The following LRRC28 variants were observed in gnomAD, a reference collection of about 807,000 sequenced individuals.
The protein encoded by LRRC28 is leucine rich repeat containing 28.
In LRRC28, 39 loss-of-function variants were observed where a neutral mutation model predicts 45.7. The ratio of observed to expected loss-of-function variants is 0.85; its 90% CI spans 0.66 to 1.12. LRRC28 has a LOEUF of 1.12. Ranked by LOEUF, LRRC28 falls within the 50% of genes most tolerant of loss-of-function variation. The probability of loss-of-function intolerance (pLI) is 0.00; values close to 1 mark genes in which losing one functional copy is unlikely to be tolerated. For synonymous variants in LRRC28, 206 were observed against 178.8 expected, an observed-to-expected ratio of 1.15 and a Z score of -1.22; for missense variants, 435 against 438.5, an observed-to-expected ratio of 0.99 and a Z score of 0.07.
At chr15:99,253,300 T>A (rs933342601) in intron 1 of LRRC28, among the ~76,000 whole-genome samples, 1 of 152,176 alleles carries the variant, frequency 6.6e-6, no homozygotes, top group Non-Finnish European at 1.5e-5. Flanking sequence ...TTTGTATTTT[T>A]AGTAGAGATG....
chr15:99,284,289 T>A (rs1410652902), intron 3 of LRRC28, among the ~76,000 whole-genome samples: 1 of 152,172 alleles, frequency 6.6e-6, no homozygotes, highest in Non-Finnish European at 1.5e-5. Context: ...TATCTTTTTT[T>A]AAAGATACAT....
rs181132774 is a variant in LRRC28 at position 99,390,569 on chromosome 15, A to G, written c.*4467A>G. On this transcript the variant is annotated 3_prime_UTR_variant, in exon 10 of 10. Coordinates refer to ENST00000301981, the MANE Select transcript of LRRC28 (RefSeq NM_144598.5). ...TCCAGGCCTCTGAAAAATTATGGCA[A>G]CATTCATTTGGAGTGTGGCTAAAAA... 1 of 152,360 alleles carries G rather than the reference A, an allele frequency of 6.6e-6. No homozygotes were observed. The highest frequency in any genetic ancestry group is 1.5e-5 in the Non-Finnish European group (1 of 68,038). The allele number at this position is 152,360 out of a possible 1,614,324, so 9.4% of individuals were successfully genotyped here.
At chr15:99,370,208 A>C (rs893076878) in intron 9 of LRRC28, among the ~76,000 whole-genome samples, 2 of 152,250 alleles carry the variant, frequency 1.3e-5, no homozygotes, top group Non-Finnish European at 2.9e-5. Flanking sequence ...TGTGCTGTTC[A>C]ATTAGCTACT....
chr15:99,384,290 A>G (rs1957917544), intron 9 of LRRC28: 1 of 152,306 alleles, frequency 6.6e-6, no homozygotes, highest in South Asian at 2.1e-4. Flanking sequence ...ATATGAAGAA[A>G]TGTTTAGAGA....
At chr15:99,378,167 A>G (rs1310346582) in intron 9 of LRRC28, among the ~76,000 whole-genome samples, 1 of 152,160 alleles carries the variant, frequency 6.6e-6, no homozygotes, top group Admixed American at 6.5e-5. Context: ...GATTCTTCCT[A>G]TCCATGAGCA....
intron 3 of LRRC28, chr15:99,284,506 G>A: frequency 2.2e-6 from 1 of 455,048 alleles, no homozygotes; most frequent in Admixed American, 2.4e-5. Context: ...CTTTGTAGCA[G>A]GTAGGCCCTG....
At chr15:99,282,098 T>TA (rs1009333248) in intron 3 of LRRC28, among the ~76,000 whole-genome samples, 1 of 151,878 alleles carries the variant, frequency 6.6e-6, no homozygotes, top group Non-Finnish European at 1.5e-5. Flanking sequence ...TGTATCCTGT[T>TA]AGAGTTTTTC....
At chr15:99,347,283 C>T (rs1041669007) in intron 6 of LRRC28, among the ~76,000 whole-genome samples, 10 of 151,822 alleles carry the variant, frequency 6.6e-5, no homozygotes, top group African/African-American at 2.4e-4. Flanking sequence ...TATCTCGGCT[C>T]ACTGCAAGCT....
chr15:99,311,651 T>G (rs1032609563), intron 5 of LRRC28, among the ~76,000 whole-genome samples: 1 of 152,204 alleles, frequency 6.6e-6, no homozygotes. Context: ...TGTAATTGCC[T>G]GCAAGTTCAG....
chr15:99,385,717 G>C (rs1452001910), intron 9 of LRRC28, among the ~76,000 whole-genome samples: 1 of 150,096 alleles, frequency 6.7e-6, no homozygotes, highest in Admixed American at 6.6e-5. Context: ...AGAAAGCAGA[G>C]TTCGAAACGT....
At chr15:99,257,798 TCA>T in intron 2 of LRRC28, 2 of 780,400 alleles carry the variant, frequency 2.6e-6, no homozygotes, top group Non-Finnish European at 4.8e-6. Context: ...AAGAAGCTAT[TCA>T]GTTGGATAAA....
intron 5 of LRRC28, among the ~76,000 whole-genome samples, chr15:99,323,727 G>A (rs1462492346): frequency 6.6e-6 from 1 of 152,124 alleles, no homozygotes; most frequent in African/African-American, 2.4e-5. Flanking sequence ...GGAATATTTT[G>A]TAGTATGAAC....
At chr15:99,381,367 T>C (rs1418994931) in intron 9 of LRRC28, among the ~76,000 whole-genome samples, 1 of 152,258 alleles carries the variant, frequency 6.6e-6, no homozygotes, top group Non-Finnish European at 1.5e-5. Flanking sequence ...TCTCGCGCCA[T>C]GTTTTTCAGC....
At position 99,257,017 on chromosome 15, in the gene LRRC28, A is replaced by C. The variant is rs371892412; in HGVS notation, c.168+892A>C. 3.6e-4 allele frequency among the ~76,000 whole-genome samples: 55 copies of C among 152,286 alleles called. No individual in the cohort carries two copies. In the Middle Eastern group the frequency reaches 0.014, roughly 38 times the overall value. On this transcript the variant is annotated intron_variant, in intron 2 of 9. Transcript: ENST00000301981. Reference sequence around the variant, plus strand: ...TTCTTCATTCCCTTCCCTATACTGGACTTTGCTAAATATCTGGAAATTGTA... The same window carrying C: ...TTCTTCATTCCCTTCCCTATACTGGCCTTTGCTAAATATCTGGAAATTGTA...
intron 3 of LRRC28, among the ~76,000 whole-genome samples, chr15:99,282,509 CTG>C (rs751028629): frequency 4.3e-4 from 65 of 152,246 alleles, no homozygotes; most frequent in African/African-American, 4.3e-4. Flanking sequence ...GATTATAATA[CTG>C]TGTTTTTACT....
At position 99,386,035 on chromosome 15, in the gene LRRC28, C is replaced by T. The variant is rs141104722; in HGVS notation, c.1037C>T (p.Thr346Ile). Residue 346 changes from threonine (T) to isoleucine (I), a missense_variant, in exon 10 of 10, where the codon ACA becomes ATA. Physicochemically the swap from Thr to Ile is moderately conservative, Grantham distance 89 (BLOSUM62 -1). Transcript: ENST00000301981. The stretch of plus-strand genomic sequence containing the variant: ...CTCCCTTTTTCCCCTTCCAGGAAGA[C>T]AACTGTTAGTTTTGTGGCTTACTGC... ...TPMAGLHQWK[T>I]TVSFVAYCCS... 2.7e-5 allele frequency: 44 copies of T among 1,613,866 alleles called. No homozygotes were observed. The highest frequency in any genetic ancestry group is 5.1e-6 in the Non-Finnish European group (6 of 1,179,868).
chr15:99,296,866 A>T (rs1348702586), intron 5 of LRRC28, among the ~76,000 whole-genome samples: 1 of 152,100 alleles, frequency 6.6e-6, no homozygotes, highest in African/African-American at 2.4e-5. Context: ...CAGGAGAGAG[A>T]AGGAAGTATT....
intron 2 of LRRC28, chr15:99,258,789 T>A: frequency 4.3e-6 from 3 of 696,620 alleles, no homozygotes; most frequent in Non-Finnish European, 8.2e-6. Flanking sequence ...GTACCCACAT[T>A]TGTTCCACGT....
At chr15:99,284,838 C>G (rs998561946) in intron 3 of LRRC28, 1 of 554,310 alleles carries the variant, frequency 1.8e-6, no homozygotes, top group African/African-American at 1.9e-5. Context: ...TCCATCATTA[C>G]CAAATCCATT....
Sources: gnomAD v4.1 joint callset for allele counts (sites outside exome capture counted in the v4.1 genomes callset) on GRCh38, gnomAD v4.1.1 for gene constraint, MANE v1.5 for transcripts, NCBI Gene and HGNC (gene_info 2026-07-23, HGNC 2026-07-21) for gene names.